The following PLCG2 variants were observed in gnomAD, a reference collection of about 807,000 sequenced individuals.
The protein encoded by PLCG2 is phospholipase C gamma 2.
In PLCG2, 69 loss-of-function variants were observed where a neutral mutation model predicts 175.6. The observed-to-expected ratio is 0.39, with a 90% CI of 0.32 to 0.48. The LOEUF (loss-of-function observed/expected upper bound fraction) is 0.48, where lower values mean the gene tolerates loss of function less well. Ranked by LOEUF, PLCG2 falls within the 20% of genes least tolerant of loss-of-function variation. PLCG2 has a pLI of 0.91. For missense variants in PLCG2, 1,798 were observed against 1,650.9 expected, an observed-to-expected ratio of 1.09 and a Z score of -1.54; for synonymous variants, 827 against 624.0, an observed-to-expected ratio of 1.33 and a Z score of -4.85.
chr16:81,931,619 A>G lies in PLCG2; in HGVS notation c.2704A>G (p.Ser902Gly). The change falls in exon 25 of 33, where the codon AGC (serine) becomes GGC (glycine). Residue 902 changes from serine to glycine, a missense_variant. Ser to Gly is a moderately conservative substitution (Grantham distance 56, BLOSUM62 0). Coordinates refer to ENST00000564138, the MANE Select transcript of PLCG2 (RefSeq NM_002661.5). ...RVEELFEWFQSIREITWKIDT... is the reference protein window; with the variant it reads ...RVEELFEWFQGIREITWKIDT... ...GGAGGAGCTCTTTGAGTGGTTTCAGAGCATCCGAGAGATCACCTGGAAGAT... is the reference window on the plus strand; with the variant it reads ...GGAGGAGCTCTTTGAGTGGTTTCAGGGCATCCGAGAGATCACCTGGAAGAT... The G allele has an allele frequency of 6.2e-7, 1 of 1,613,980 alleles. No homozygotes were observed. The highest frequency in any genetic ancestry group is 8.5e-7 in the Non-Finnish European group (1 of 1,179,930).
At chr16:81,784,529 C>G (rs1267914447) in intron 1 of PLCG2, among the ~76,000 whole-genome samples, 1 of 152,204 alleles carries the variant, frequency 6.6e-6, no homozygotes, top group East Asian at 1.9e-4. Flanking sequence ...CTGGGAGGGT[C>G]TCTCTAGTGC....
chr16:81,842,437 G>A (rs921910101), intron 2 of PLCG2, among the ~76,000 whole-genome samples: 1 of 152,200 alleles, frequency 6.6e-6, no homozygotes, highest in Non-Finnish European at 1.5e-5. Flanking sequence ...CTGCAGTGTG[G>A]CATCCCTAGC....
intron 14 of PLCG2, among the ~76,000 whole-genome samples, chr16:81,901,490 G>C (rs934856795): frequency 1.3e-5 from 2 of 152,180 alleles, no homozygotes; most frequent in African/African-American, 4.8e-5. Flanking sequence ...CCCGCATTCT[G>C]CTCTAGCATC....
intron 1 of PLCG2, among the ~76,000 whole-genome samples, chr16:81,785,175 G>C (rs1375988460): frequency 3.3e-5 from 5 of 152,126 alleles, no homozygotes; most frequent in African/African-American, 1.2e-4. Context: ...AAGGTTTTGG[G>C]CCCAAGCACC....
Position 81,883,279 on chromosome 16 carries a change from A to G in PLCG2, c.703A>G (p.Arg235Gly). The change falls in exon 9 of 33, where the codon AGG (arginine) becomes GGG (glycine). Residue 235 changes from arginine (R) to glycine (G), a missense_variant. Coordinates refer to ENST00000564138, the MANE Select transcript of PLCG2 (RefSeq NM_002661.5). The stretch of plus-strand genomic sequence containing the variant: ...TTTCCCCGAGGATAGGAACACTGAC[A>G]GGCCGGATGCCTCTGCTGTTTACCT... The part of the protein sequence containing the change: ...SSVFILGNTD[R>G]PDASAVYLHD... 2 of 1,614,130 alleles carry G rather than the reference A, an allele frequency of 1.2e-6. No individual in the cohort carries two copies. Among genetic ancestry groups the G allele is most frequent in the South Asian group, 2.2e-5 (2 of 91,084 alleles).
rs1238251600 is a variant in PLCG2, at chr16:81,869,252, T to C, written c.518T>C (p.Ile173Thr). Reference sequence around the variant, plus strand: ...GAGTTGAAGACCATCTTGCCCCTGATCAACTTTAAAGTGAGCAGTGCCAAG... The same window carrying C: ...GAGTTGAAGACCATCTTGCCCCTGACCAACTTTAAAGTGAGCAGTGCCAAG... ...LRELKTILPL[I>T]NFKVSSAKFL... Residue 173 changes from isoleucine to threonine, a missense_variant, in exon 6 of 33, where the codon ATC becomes ACC. Physicochemically the swap from Ile to Thr is moderately conservative, Grantham distance 89. Coordinates refer to ENST00000564138, the MANE Select transcript of PLCG2 (RefSeq NM_002661.5). The C allele has an allele frequency of 1.2e-6, 2 of 1,613,946 alleles. No individual in the cohort carries two copies. The highest frequency in any genetic ancestry group is 2.7e-5 in the African/African-American group (2 of 74,934).
Position 81,961,935 on chromosome 16 carries a change from G to C in PLCG2, c.*3937G>C, listed in dbSNP as rs1216104124. The C allele has an allele frequency of 1.0e-5, 2 of 198,612 alleles. No homozygotes were observed. Among genetic ancestry groups the C allele is most frequent in the Non-Finnish European group, 2.1e-5 (2 of 95,740 alleles). The allele number at this position is 198,612 out of a possible 1,614,324, so 12.3% of individuals were successfully genotyped here. ...GTTAAGATTGCTGATCGGATGTGAG[G>C]GCGATCTGGCTGCGACATCTGTCAC... is the stretch of plus-strand genomic sequence containing the variant. On this transcript the variant is annotated 3_prime_UTR_variant, in exon 33 of 33. Coordinates refer to ENST00000564138, the MANE Select transcript of PLCG2 (RefSeq NM_002661.5).
intron 31 of PLCG2, among the ~76,000 whole-genome samples, chr16:81,953,682 TG>T (rs141027112): frequency 6.6e-6 from 1 of 152,304 alleles, no homozygotes; most frequent in Non-Finnish European, 1.5e-5. Context: ...ACTAGAGTGG[TG>T]GTTCCTCAAG....
chr16:81,821,261 T>G (rs2143336335), intron 2 of PLCG2, among the ~76,000 whole-genome samples: 1 of 152,380 alleles, frequency 6.6e-6, no homozygotes, highest in South Asian at 2.1e-4. Context: ...ATTAGAATAA[T>G]GCCTGGCACA....
intron 2 of PLCG2, among the ~76,000 whole-genome samples, chr16:81,846,297 T>TC (rs902282967): frequency 6.7e-6 from 1 of 148,896 alleles, no homozygotes; most frequent in Non-Finnish European, 1.5e-5. Flanking sequence ...GCTCCAGACA[T>TC]CCCCCCGCCA....
intron 7 of PLCG2, among the ~76,000 whole-genome samples, chr16:81,871,229 A>T (rs1907498256): frequency 6.6e-6 from 1 of 152,232 alleles, no homozygotes. Flanking sequence ...AAAAAAGTGC[A>T]ACTCACTCTA....
At chr16:81,746,912 G>T (rs1208532796) in intron 1 of PLCG2, among the ~76,000 whole-genome samples, 1 of 152,080 alleles carries the variant, frequency 6.6e-6, no homozygotes, top group Non-Finnish European at 1.5e-5. Context: ...GTCATATTTT[G>T]GGAGTTGTAA....
chr16:81,740,534 A>C (rs1308371145), intron 1 of PLCG2: 3 of 151,970 alleles, frequency 2.0e-5, no homozygotes, highest in Non-Finnish European at 2.9e-5. Flanking sequence ...TGAAGTCGGG[A>C]GTTTGAGACC....
intron 2 of PLCG2, among the ~76,000 whole-genome samples, chr16:81,823,211 A>G (rs532278245): frequency 6.6e-6 from 1 of 152,334 alleles, no homozygotes; most frequent in Admixed American, 6.5e-5. Context: ...AGTTCAGCCT[A>G]GGGGAGGTCT....
intron 16 of PLCG2, among the ~76,000 whole-genome samples, chr16:81,908,179 C>T (rs547771055): frequency 1.3e-5 from 2 of 152,316 alleles, no homozygotes; most frequent in South Asian, 2.1e-4. Context: ...GGGAACCGTT[C>T]ACTGCATGTC....
At chr16:81,910,072 C>G (rs1178835565) in intron 17 of PLCG2, among the ~76,000 whole-genome samples, 1 of 151,980 alleles carries the variant, frequency 6.6e-6, no homozygotes, top group Non-Finnish European at 1.5e-5. Flanking sequence ...CTAGCCTATA[C>G]TAAGGCCCTG....
chr16:81,780,192 T>C (rs1193935322), intron 1 of PLCG2, among the ~76,000 whole-genome samples: 3 of 151,994 alleles, frequency 2.0e-5, no homozygotes, highest in Non-Finnish European at 2.9e-5. Flanking sequence ...GGGAAACAGG[T>C]GGCCTTGCCC....
At chr16:81,892,044 TG>T (rs1908662106) in intron 11 of PLCG2, among the ~76,000 whole-genome samples, 3 of 152,090 alleles carry the variant, frequency 2.0e-5, no homozygotes, top group Admixed American at 2.0e-4. Flanking sequence ...AGACCTCCAT[TG>T]AAAGTTAACC....
intron 5 of PLCG2, among the ~76,000 whole-genome samples, chr16:81,863,886 G>C (rs916364610): frequency 6.6e-5 from 10 of 152,164 alleles, no homozygotes; most frequent in Non-Finnish European, 1.5e-5. Flanking sequence ...GAAGGCAGGT[G>C]GGTGAGTCCA....
Sources: gnomAD v4.1 joint callset for allele counts (sites outside exome capture counted in the v4.1 genomes callset) on GRCh38, gnomAD v4.1.1 for gene constraint, MANE v1.5 for transcripts, NCBI Gene and HGNC (gene_info 2026-07-23, HGNC 2026-07-21) for gene names.